Variants in SEMA3E observed in about 807,000 individuals in gnomAD.
The protein encoded by SEMA3E is semaphorin-3E.
In SEMA3E, 49 loss-of-function variants were observed where a neutral mutation model predicts 93.6. That is an observed-to-expected ratio of 0.52 (90% CI 0.42 to 0.66). The LOEUF is 0.66. Among genes scored for constraint, SEMA3E ranks in the 30% least tolerant of loss-of-function variants. SEMA3E has a pLI of 0.00. For missense variants in SEMA3E, 906 were observed against 964.8 expected, an observed-to-expected ratio of 0.94 and a Z score of 0.81; for synonymous variants, 363 against 330.7, an observed-to-expected ratio of 1.10 and a Z score of -1.06.
chr7:83,392,585 C>A lies in SEMA3E; in HGVS notation c.1637G>T (p.Arg546Leu), dbSNP rs769248913. 6.2e-7 allele frequency: 1 copy of A among 1,613,472 alleles called. No individual in the cohort carries two copies. Among genetic ancestry groups the A allele is most frequent in the East Asian group, 2.2e-5 (1 of 44,834 alleles). The change falls in exon 14 of 17, where the codon CGG (arginine) becomes CTG (leucine). Residue 546 changes from arginine (R) to leucine (L), a missense_variant. Arg to Leu is a moderately radical substitution (Grantham distance 102, BLOSUM62 -2). Transcript: ENST00000643230. ...YCAWDGISCS[R>L]YYPTGTHAKR... ...TGCATGTGTGCCTGTTGGGTAATAC[C>A]GGGAGCAGGATATGCCATCCCAGGC...
chr7:83,499,884 G>A (rs1198002293), intron 1 of SEMA3E, among the ~76,000 whole-genome samples: 4 of 151,994 alleles, frequency 2.6e-5, no homozygotes, highest in Non-Finnish European at 4.4e-5. Flanking sequence ...GTGGGCAAGG[G>A]GCATTCTCAG....
At chr7:83,546,813 A>G (rs910414410) in intron 1 of SEMA3E, among the ~76,000 whole-genome samples, 1 of 152,078 alleles carries the variant, frequency 6.6e-6, no homozygotes, top group Non-Finnish European at 1.5e-5. Flanking sequence ...TTTAGCAATA[A>G]AGATATGGCT....
rs1444630811 is a variant in SEMA3E, at chr7:83,519,372, G to C, written c.116-29098C>G. Among the ~76,000 whole-genome samples the C allele has an allele frequency of 2.6e-5, 4 of 151,994 alleles. No individual in the cohort carries two copies. In the South Asian group the frequency reaches 8.3e-4, roughly 32 times the overall value. On this transcript the variant is annotated intron_variant, in intron 1 of 16. Transcript: ENST00000643230. ...GAACCATCTTTCCAGAATCTGTCTTGTCTAAAACCCTACAAAAAAGTTTAC... is the reference window on the plus strand; with the variant it reads ...GAACCATCTTTCCAGAATCTGTCTTCTCTAAAACCCTACAAAAAAGTTTAC...
At chr7:83,400,511 T>C (rs1190611658) in intron 10 of SEMA3E, among the ~76,000 whole-genome samples, 2 of 152,064 alleles carry the variant, frequency 1.3e-5, no homozygotes, top group Non-Finnish European at 2.9e-5. Context: ...TAGTTCCCAA[T>C]AGTTCTTTTT....
intron 1 of SEMA3E, among the ~76,000 whole-genome samples, chr7:83,506,032 A>T (rs867249895): frequency 0.03 from 3,640 of 119,520 alleles, 72 homozygotes; most frequent in African/African-American, 0.056. Flanking sequence ...AAAAAAAAAA[A>T]ATATATATAT....
chr7:83,531,364 C>G (rs1439739035), intron 1 of SEMA3E, among the ~76,000 whole-genome samples: 1 of 24,202 alleles, frequency 4.1e-5, no homozygotes, highest in African/African-American at 8.4e-5. Flanking sequence ...TTTTTTTTTC[C>G]GAGATGGAGT....
intron 1 of SEMA3E, among the ~76,000 whole-genome samples, chr7:83,591,781 C>T (rs1159861921): frequency 6.6e-6 from 1 of 151,956 alleles, no homozygotes; most frequent in Non-Finnish European, 1.5e-5. Context: ...TAAGTGTAGA[C>T]TTCTTATGCC....
chr7:83,448,342 T>C (rs943243702), intron 4 of SEMA3E, among the ~76,000 whole-genome samples: 1 of 152,134 alleles, frequency 6.6e-6, no homozygotes, highest in African/African-American at 2.4e-5. Context: ...AGTAAACATA[T>C]TCTTAAAAAC....
intron 1 of SEMA3E, among the ~76,000 whole-genome samples, chr7:83,524,044 ATTG>A (rs1374212882): frequency 6.6e-6 from 1 of 152,172 alleles, no homozygotes; most frequent in Non-Finnish European, 1.5e-5. Context: ...TAATTTAAAT[ATTG>A]TTATCTACTA....
chr7:83,642,300 T>C (rs1009574446), intron 1 of SEMA3E, among the ~76,000 whole-genome samples: 12 of 152,244 alleles, frequency 7.9e-5, no homozygotes, highest in African/African-American at 2.9e-4. Context: ...GGTTAGAATA[T>C]CCTGAAATAG....
At chr7:83,501,207 T>G (rs1790590782) in intron 1 of SEMA3E, among the ~76,000 whole-genome samples, 1 of 152,200 alleles carries the variant, frequency 6.6e-6, no homozygotes, top group Admixed American at 6.5e-5. Context: ...TTAACAATTT[T>G]TATTTCATTC....
At chr7:83,604,387 T>G (rs184169646) in intron 1 of SEMA3E, among the ~76,000 whole-genome samples, 35 of 151,430 alleles carry the variant, frequency 2.3e-4, no homozygotes, top group Non-Finnish European at 3.8e-4. Context: ...AATGACACAG[T>G]TTTTTGAATT....
chr7:83,463,253 C>A lies in SEMA3E; in HGVS notation c.456+3229G>T, dbSNP rs149346774. Among the ~76,000 whole-genome samples, 582 of 151,996 alleles carry A rather than the reference C, an allele frequency of 3.8e-3. 6 individuals are homozygous for A. The highest frequency in any genetic ancestry group is 0.011 in the African/African-American group (462 of 41,494). ...AAGAGCCAGGACCACACCCTGTAGC[C>A]TTTATGTCCAAACAACTTGACCTTA... On this transcript the variant is annotated intron_variant, in intron 4 of 16. Transcript: ENST00000643230.
At chr7:83,625,621 T>C (rs1435290554) in intron 1 of SEMA3E, among the ~76,000 whole-genome samples, 2 of 152,110 alleles carry the variant, frequency 1.3e-5, no homozygotes, top group Non-Finnish European at 2.9e-5. Flanking sequence ...ACGATGGGGT[T>C]TTCTAAATAT....
chr7:83,463,929 C>T (rs1452663489), intron 4 of SEMA3E, among the ~76,000 whole-genome samples: 2 of 152,156 alleles, frequency 1.3e-5, no homozygotes, highest in African/African-American at 2.4e-5. Flanking sequence ...TAAAATACCT[C>T]TTAGTCTAGG....
Position 83,365,267 on chromosome 7 carries a change from A to T in SEMA3E, c.*2319T>A, listed in dbSNP as rs1355087474. 1 of 151,816 alleles carries T rather than the reference A, an allele frequency of 6.6e-6. No homozygotes were observed. The highest frequency in any genetic ancestry group is 1.5e-5 in the Non-Finnish European group (1 of 67,972). 9.4% of individuals were successfully genotyped at this position (151,816 alleles called of 1,614,324 possible). ...TCTCTCTCCCTCCCTCTTCTTTCCC[A>T]TTTCTCTTCAGTACTGCCATAAACA... On this transcript the variant is annotated 3_prime_UTR_variant, in exon 17 of 17. Coordinates refer to ENST00000643230, the MANE Select transcript of SEMA3E (RefSeq NM_012431.3).
At chr7:83,556,814 C>T (rs541166754) in intron 1 of SEMA3E, among the ~76,000 whole-genome samples, 2 of 152,234 alleles carry the variant, frequency 1.3e-5, no homozygotes, top group African/African-American at 4.8e-5. Flanking sequence ...GAGGGTTCTG[C>T]CCTCATGAAA....
At chr7:83,508,749 T>C (rs560600965) in intron 1 of SEMA3E, among the ~76,000 whole-genome samples, 2 of 152,302 alleles carry the variant, frequency 1.3e-5, no homozygotes, top group African/African-American at 2.4e-5. Context: ...GGATGACAAG[T>C]ATTTAGCACA....
At chr7:83,590,832 C>T (rs1792743449) in intron 1 of SEMA3E, among the ~76,000 whole-genome samples, 1 of 152,060 alleles carries the variant, frequency 6.6e-6, no homozygotes, top group Admixed American at 6.6e-5. Context: ...CGCAAAACTG[C>T]TGCTTTACTA....
Sources: allele counts gnomAD v4.1 joint callset (sites outside exome capture counted in the v4.1 genomes callset), GRCh38; gene constraint gnomAD v4.1.1; transcripts MANE v1.5; gene names NCBI Gene and HGNC (gene_info 2026-07-23, HGNC 2026-07-21).